The following HS6ST3 variants were observed in gnomAD, a reference collection of about 807,000 sequenced individuals.
The protein encoded by HS6ST3 is heparan sulfate 6-O-sulfotransferase 3.
A neutral mutation model predicts 36.7 loss-of-function variants in HS6ST3; 12 were observed. That is an observed-to-expected ratio of 0.33 (90% CI 0.21 to 0.53). The LOEUF (loss-of-function observed/expected upper bound fraction) is 0.53. HS6ST3 is among the 20% of genes least tolerant of loss of function. The pLI is 0.95. For missense variants in HS6ST3, 584 were observed against 640.9 expected (o/e 0.91, Z 0.96); for synonymous variants, 240 against 257.5 (o/e 0.93, Z 0.65).
chr13:96,297,778 A>C (rs1419203343), intron 1 of HS6ST3, among the ~76,000 whole-genome samples: 1 of 152,046 alleles, frequency 6.6e-6, no homozygotes, highest in Admixed American at 6.6e-5. Context: ...CACTCCTATA[A>C]AATTTTATTA....
intron 1 of HS6ST3, among the ~76,000 whole-genome samples, chr13:96,361,212 G>T (rs1375551533): frequency 6.6e-6 from 1 of 152,116 alleles, no homozygotes; most frequent in African/African-American, 2.4e-5. Context: ...TCCCCATATT[G>T]CAAATGAAGT....
chr13:96,671,109 C>T (rs1377740965), intron 1 of HS6ST3, among the ~76,000 whole-genome samples: 1 of 152,132 alleles, frequency 6.6e-6, no homozygotes, highest in Non-Finnish European at 1.5e-5. Flanking sequence ...TCAGCCTAAA[C>T]CTGACCTCAA....
At chr13:96,154,801 A>G (rs185691364) in intron 1 of HS6ST3, among the ~76,000 whole-genome samples, 27 of 152,274 alleles carry the variant, frequency 1.8e-4, no homozygotes, top group African/African-American at 3.4e-4. Context: ...ATCTAGTGAC[A>G]TTGATTACTC....
chr13:96,665,695 C>T (rs2138427625), intron 1 of HS6ST3, among the ~76,000 whole-genome samples: 1 of 152,212 alleles, frequency 6.6e-6, no homozygotes, highest in South Asian at 2.1e-4. Context: ...CGCAGCTCTG[C>T]CACTGGCTTT....
At chr13:96,369,752 T>C (rs1267721821) in intron 1 of HS6ST3, among the ~76,000 whole-genome samples, 2 of 152,048 alleles carry the variant, frequency 1.3e-5, no homozygotes, top group African/African-American at 4.8e-5. Flanking sequence ...GCAGGGTGGG[T>C]TTTTTCCCCC....
At chr13:96,102,296 T>C (rs1264614887) in intron 1 of HS6ST3, among the ~76,000 whole-genome samples, 1 of 152,154 alleles carries the variant, frequency 6.6e-6, no homozygotes, top group African/African-American at 2.4e-5. Flanking sequence ...AAGTGTCCAA[T>C]TTATTATTGG....
At chr13:96,251,412 T>G (rs906115281) in intron 1 of HS6ST3, among the ~76,000 whole-genome samples, 1 of 152,172 alleles carries the variant, frequency 6.6e-6, no homozygotes, top group African/African-American at 2.4e-5. Flanking sequence ...TCCTTTGTGT[T>G]TCTGTGGTAA....
Position 96,832,958 on chromosome 13 carries a change from T to A in HS6ST3, c.1176T>A (p.Gly392=). ...TRASNVEINE[G]ARQRIEDLNF... ...CTTCTAACGTGGAGATCAACGAGGG[T>A]GCCCGCCAACGCATTGAGGATCTAA... The change falls in exon 2 of 2, where the codon GGT becomes GGA. Residue 392 remains glycine (G), a synonymous_variant. Coordinates refer to ENST00000376705, the MANE Select transcript of HS6ST3 (RefSeq NM_153456.4). 6.2e-7 allele frequency: 1 copy of A among 1,613,910 alleles called. No homozygotes were observed. Among genetic ancestry groups the A allele is most frequent in the South Asian group, 1.1e-5 (1 of 91,068 alleles).
chr13:96,478,853 G>A (rs1314873428), intron 1 of HS6ST3, among the ~76,000 whole-genome samples: 1 of 152,112 alleles, frequency 6.6e-6, no homozygotes, highest in Non-Finnish European at 1.5e-5. Context: ...GTTTCCAAGT[G>A]GTAGAAGAGG....
At chr13:96,631,257 A>G (rs1209162562) in intron 1 of HS6ST3, among the ~76,000 whole-genome samples, 1 of 152,158 alleles carries the variant, frequency 6.6e-6, no homozygotes, top group Non-Finnish European at 1.5e-5. Flanking sequence ...TTATTCTAGC[A>G]TAGTTTATGC....
intron 1 of HS6ST3, among the ~76,000 whole-genome samples, chr13:96,355,825 A>T (rs983360228): frequency 4.6e-5 from 7 of 152,182 alleles, no homozygotes; most frequent in Admixed American, 1.3e-4. Context: ...ATGCTGTTTG[A>T]TAGCATTTTT....
chr13:96,355,358 T>TACACAC (rs66509801), intron 1 of HS6ST3, among the ~76,000 whole-genome samples: 240 of 140,570 alleles, frequency 1.7e-3, no homozygotes, highest in African/African-American at 3.4e-3. Context: ...AGTCTATAGT[T>TACACAC]ACACACACAC....
chr13:96,807,180 A>T (rs551681812), intron 1 of HS6ST3, among the ~76,000 whole-genome samples: 1 of 152,192 alleles, frequency 6.6e-6, no homozygotes, highest in Non-Finnish European at 1.5e-5. Flanking sequence ...ATGCCCAGAA[A>T]GATGCTGGTT....
chr13:96,249,990 A>T (rs1039392560), intron 1 of HS6ST3, among the ~76,000 whole-genome samples: 2 of 152,176 alleles, frequency 1.3e-5, no homozygotes, highest in Non-Finnish European at 2.9e-5. Context: ...GTTTGGGATG[A>T]TGAAAAGCTG....
intron 1 of HS6ST3, among the ~76,000 whole-genome samples, chr13:96,484,995 A>G (rs928190499): frequency 6.6e-6 from 1 of 152,142 alleles, no homozygotes; most frequent in Non-Finnish European, 1.5e-5. Context: ...CCTCACCAGC[A>G]GGTTTTATTT....
intron 1 of HS6ST3, among the ~76,000 whole-genome samples, chr13:96,774,084 G>A (rs1230342960): frequency 6.6e-6 from 1 of 152,122 alleles, no homozygotes; most frequent in African/African-American, 2.4e-5. Flanking sequence ...TGCAGAAAAG[G>A]GGCCTGACTG....
intron 1 of HS6ST3, among the ~76,000 whole-genome samples, chr13:96,243,767 G>A (rs1477154183): frequency 6.6e-6 from 1 of 151,958 alleles, no homozygotes; most frequent in African/African-American, 2.4e-5. Context: ...AATTTTCCCT[G>A]GGGTGCTTCT....
chr13:96,284,910 G>GCTTTCTTTCTTT lies in HS6ST3; in HGVS notation c.707+193397_707+193408dup, dbSNP rs71740033. Among the ~76,000 whole-genome samples the GCTTTCTTTCTTT allele has an allele frequency of 4.8e-3, 644 of 134,628 alleles. 7 individuals carry two copies. Among genetic ancestry groups the GCTTTCTTTCTTT allele is most frequent in the East Asian group, 8.6e-3 (38 of 4,426 alleles). The allele number at this position is 134,628 out of a possible 152,430, so 88.3% of individuals were successfully genotyped here. A position where few individuals can be genotyped will look rare whatever the true frequency, so the allele number is the denominator to read the frequency against. On this transcript the variant is annotated intron_variant, in intron 1 of 1. Coordinates refer to ENST00000376705, the MANE Select transcript of HS6ST3 (RefSeq NM_153456.4). Reference sequence around the variant, plus strand: ...GGGCTTTAAGATTGAATGCATATTTGCTTTCTTTCTTTCTTTCTTTCTTTC... The same window carrying GCTTTCTTTCTTT: ...GGGCTTTAAGATTGAATGCATATTTGCTTTCTTTCTTTCTTTCTTTCTTTCTTTCTTTCTTTC...
chr13:96,434,038 AAGACCATG>A (rs1302403361), intron 1 of HS6ST3, among the ~76,000 whole-genome samples: 1 of 152,202 alleles, frequency 6.6e-6, no homozygotes, highest in East Asian at 1.9e-4. Context: ...GTAGAGAGTT[AAGACCATG>A]AGAAGAAACA....
Sources: gnomAD v4.1 joint callset for allele counts (sites outside exome capture counted in the v4.1 genomes callset) on GRCh38, gnomAD v4.1.1 for gene constraint, MANE v1.5 for transcripts, NCBI Gene and HGNC (gene_info 2026-07-23, HGNC 2026-07-21) for gene names.